Variants in NCAM1 observed in about 807,000 individuals in gnomAD.
NCAM1 encodes the protein neural cell adhesion molecule 1.
A neutral mutation model predicts 109.8 loss-of-function variants in NCAM1; 14 were observed. The observed-to-expected ratio is 0.13, with a 90% CI of 0.08 to 0.20. The LOEUF is 0.20. NCAM1 is among the 10% of genes least tolerant of loss of function. NCAM1 has a pLI of 1.00. For synonymous variants in NCAM1, 418 were observed against 442.9 expected (o/e 0.94, Z 0.70); for missense variants, 774 against 1,109.9 (o/e 0.70, Z 4.30).
intron 1 of NCAM1, among the ~76,000 whole-genome samples, chr11:113,198,374 T>A (rs562864892): frequency 1.7e-5 from 2 of 115,286 alleles, no homozygotes; most frequent in Non-Finnish European, 3.8e-5. Context: ...GATATTAGAA[T>A]TTTTTTTTTT....
intron 1 of NCAM1, among the ~76,000 whole-genome samples, chr11:113,076,184 A>G (rs1203959595): frequency 1.3e-5 from 2 of 152,096 alleles, no homozygotes; most frequent in African/African-American, 4.8e-5. Context: ...GGCCCCACAC[A>G]CAGAGGGAAT....
chr11:113,218,565 A>G (rs1211267938), intron 8 of NCAM1, among the ~76,000 whole-genome samples: 1 of 152,210 alleles, frequency 6.6e-6, no homozygotes, highest in Non-Finnish European at 1.5e-5. Context: ...GTTCATTATA[A>G]AAGAAGGGGG....
intron 9 of NCAM1, among the ~76,000 whole-genome samples, chr11:113,224,416 G>A (rs1315848874): frequency 2.6e-5 from 4 of 152,230 alleles, no homozygotes; most frequent in Non-Finnish European, 4.4e-5. Flanking sequence ...GACTTCAGTA[G>A]GTAAACAAAG....
chr11:112,987,097 G>A (rs545738326), intron 1 of NCAM1, among the ~76,000 whole-genome samples: 9 of 152,030 alleles, frequency 5.9e-5, no homozygotes, highest in Admixed American at 1.3e-4. Context: ...TTGTGTTTTC[G>A]TTTTTGTTTC....
At chr11:113,237,334 A>G (rs1945194918) in intron 14 of NCAM1, among the ~76,000 whole-genome samples, 1 of 152,230 alleles carries the variant, frequency 6.6e-6, no homozygotes, top group East Asian at 1.9e-4. Context: ...CAGCTCCTGA[A>G]AGGTACCCAA....
intron 1 of NCAM1, among the ~76,000 whole-genome samples, chr11:113,100,520 C>T (rs542057808): frequency 5.3e-5 from 8 of 152,054 alleles, no homozygotes; most frequent in Non-Finnish European, 1.2e-4. Flanking sequence ...AGAGATTTTA[C>T]TGAGTGATGG....
At chr11:113,268,448 G>C (rs987086332) in intron 17 of NCAM1, among the ~76,000 whole-genome samples, 14 of 152,158 alleles carry the variant, frequency 9.2e-5, no homozygotes, top group Non-Finnish European at 1.5e-5. Flanking sequence ...GAGAGCCTGA[G>C]GAGGAAGGGC....
At chr11:113,184,340 C>T (rs1399449461) in intron 1 of NCAM1, among the ~76,000 whole-genome samples, 2 of 152,110 alleles carry the variant, frequency 1.3e-5, no homozygotes, top group African/African-American at 4.8e-5. Flanking sequence ...TAAAATTCAT[C>T]AATATAACAG....
chr11:113,185,374 TG>T (rs1464131985), intron 1 of NCAM1, among the ~76,000 whole-genome samples: 2 of 152,176 alleles, frequency 1.3e-5, no homozygotes, highest in Non-Finnish European at 2.9e-5. Flanking sequence ...TTCAACTGAC[TG>T]GATGAGGCAC....
At chr11:113,023,497 T>C (rs1952453141) in intron 1 of NCAM1, among the ~76,000 whole-genome samples, 1 of 152,048 alleles carries the variant, frequency 6.6e-6, no homozygotes, top group South Asian at 2.1e-4. Flanking sequence ...TCAATGACCA[T>C]CTCCAGGAAT....
chr11:113,266,360 G>A (rs782616834), intron 17 of NCAM1, among the ~76,000 whole-genome samples: 1 of 152,300 alleles, frequency 6.6e-6, no homozygotes, highest in African/African-American at 2.4e-5. Context: ...TCACCTGCTT[G>A]AGGAGTTTAG....
At chr11:113,120,223 G>A (rs117947311) in intron 1 of NCAM1, among the ~76,000 whole-genome samples, 538 of 152,302 alleles carry the variant, frequency 3.5e-3, no homozygotes, top group African/African-American at 0.011. Context: ...AATTGGTAGT[G>A]TTAATGTTTG....
intron 1 of NCAM1, among the ~76,000 whole-genome samples, chr11:113,012,959 T>A (rs1555074739): frequency 6.6e-6 from 1 of 152,132 alleles, no homozygotes; most frequent in Non-Finnish European, 1.5e-5. Context: ...CAACATACTT[T>A]CAAATGGTTC....
chr11:113,262,723 C>A, intron 17 of NCAM1: 1 of 1,072,354 alleles, frequency 9.3e-7, no homozygotes, highest in East Asian at 2.7e-5. Context: ...CCTTCTGTCC[C>A]CCTCCCCTTC....
At chr11:113,253,363 C>T (rs529926303) in intron 15 of NCAM1, among the ~76,000 whole-genome samples, 7 of 152,086 alleles carry the variant, frequency 4.6e-5, no homozygotes, top group Admixed American at 1.3e-4. Flanking sequence ...GGCTGAAAGT[C>T]GTGAATTTTG....
chr11:113,097,014 C>T (rs1939630415), intron 1 of NCAM1, among the ~76,000 whole-genome samples: 2 of 152,160 alleles, frequency 1.3e-5, no homozygotes, highest in African/African-American at 2.4e-5. Context: ...CTGCCCTGTG[C>T]CAATCCCATG....
chr11:113,243,548 G>A (rs782563856), intron 14 of NCAM1: 17 of 517,970 alleles, frequency 3.3e-5, no homozygotes, highest in South Asian at 2.4e-4. Flanking sequence ...TTTTTTCATC[G>A]TAGAAAACAT....
At chr11:112,979,093 G>A (rs913757585) in intron 1 of NCAM1, among the ~76,000 whole-genome samples, 3 of 151,656 alleles carry the variant, frequency 2.0e-5, no homozygotes, top group Non-Finnish European at 4.4e-5. Flanking sequence ...TGGAAATTGT[G>A]TTTAATTTGG....
intron 1 of NCAM1, among the ~76,000 whole-genome samples, chr11:113,159,302 A>G (rs1327707249): frequency 3.9e-5 from 6 of 152,198 alleles, no homozygotes; most frequent in Admixed American, 2.6e-4. Flanking sequence ...TTTAAATTGT[A>G]TATATTTCTT....
Sources: gnomAD v4.1 joint callset for allele counts (sites outside exome capture counted in the v4.1 genomes callset) on GRCh38, gnomAD v4.1.1 for gene constraint, MANE v1.5 for transcripts, NCBI Gene and HGNC (gene_info 2026-07-23, HGNC 2026-07-21) for gene names.